PARP4: variants seen among roughly 807,000 people sequenced by gnomAD.
PARP4 encodes poly(ADP-ribose) polymerase family member 4.
PARP4 carries 120 observed loss-of-function variants against 187.7 expected under a neutral mutation model. That is an observed-to-expected ratio of 0.64 (90% confidence interval 0.55 to 0.74). The LOEUF (loss-of-function observed/expected upper bound fraction) is 0.74. Ranked by LOEUF, PARP4 falls within the 30% of genes least tolerant of loss-of-function variation. PARP4 has a pLI of 0.00. For synonymous variants in PARP4, 654 were observed against 740.9 expected (o/e 0.88, Z 1.90); for missense variants, 1,836 against 2,070.5 (o/e 0.89, Z 2.20).
chr13:24,507,756 C>T (rs566612485), intron 1 of PARP4, among the ~76,000 whole-genome samples: 26 of 152,300 alleles, frequency 1.7e-4, no homozygotes, highest in Non-Finnish European at 3.1e-4. Flanking sequence ...TATCATGGTT[C>T]AAGGCCAACA....
At chr13:24,488,447 G>A (rs952792548) in intron 10 of PARP4, among the ~76,000 whole-genome samples, 66 of 152,118 alleles carry the variant, frequency 4.3e-4, no homozygotes, top group Admixed American at 3.6e-3. Flanking sequence ...TCCACCTCCC[G>A]GGTTCAAGCG....
At chr13:24,476,663 C>G (rs1873001389) in intron 14 of PARP4, among the ~76,000 whole-genome samples, 1 of 152,220 alleles carries the variant, frequency 6.6e-6, no homozygotes, top group African/African-American at 2.4e-5. Context: ...GGAGTCACCC[C>G]TGAACACACA....
At chr13:24,477,324 A>AT (rs1873036752) in intron 14 of PARP4, among the ~76,000 whole-genome samples, 3 of 151,966 alleles carry the variant, frequency 2.0e-5, no homozygotes. Context: ...TAAAAAAAAA[A>AT]GTCACGGATG....
At chr13:24,480,705 G>T (rs1178673125) in intron 12 of PARP4, among the ~76,000 whole-genome samples, 1 of 152,226 alleles carries the variant, frequency 6.6e-6, no homozygotes, top group Non-Finnish European at 1.5e-5. Flanking sequence ...CCCCAACTCT[G>T]TTCAATTCTA....
intron 24 of PARP4, among the ~76,000 whole-genome samples, chr13:24,450,055 T>C (rs1319530458): frequency 6.7e-6 from 1 of 148,692 alleles, no homozygotes; most frequent in East Asian, 1.9e-4. Flanking sequence ...AGAAAAAAGT[T>C]GAAATTCTTG....
intron 3 of PARP4, 88 bp downstream of exon 3, chr13:24,501,545 A>G: frequency 1.2e-6 from 1 of 859,628 alleles, no homozygotes; most frequent in African/African-American, 1.7e-5. Flanking sequence ...GTATTTCTGG[A>G]CAATTCTCTG....
intron 3 of PARP4, 142 bp downstream of exon 3, chr13:24,501,491 T>C (rs373281453): frequency 2.1e-5 from 13 of 624,832 alleles, no homozygotes; most frequent in East Asian, 1.9e-4. Flanking sequence ...TCCTTTGTTA[T>C]TTTTCTGTCC....
rs1361462499 is a variant in PARP4, at chr13:24,477,204, C to T, written c.1789+497G>A. On this transcript the variant is annotated intron_variant, in intron 14 of 33. Coordinates refer to ENST00000381989, the MANE Select transcript of PARP4 (RefSeq NM_006437.4). ...AAGATAAAAAAGGAAATGAGGCTGG[C>T]CATGGTGGCTCATATCTGTAATCCC... Among the ~76,000 whole-genome samples, 5 of 152,162 alleles carry T rather than the reference C, an allele frequency of 3.3e-5. No individual in the cohort carries two copies. In the East Asian group the frequency reaches 9.6e-4, roughly 29 times the overall value.
chr13:24,481,403 A>G (rs914733368), intron 12 of PARP4, among the ~76,000 whole-genome samples: 5 of 152,236 alleles, frequency 3.3e-5, no homozygotes, highest in African/African-American at 1.2e-4. Context: ...TTTAAGAAAT[A>G]CATTTTGGGC....
intron 33 of PARP4, among the ~76,000 whole-genome samples, chr13:24,422,039 C>G (rs1367184161): frequency 6.6e-6 from 1 of 152,168 alleles, no homozygotes; most frequent in African/African-American, 2.4e-5. Flanking sequence ...TGAAAATTCT[C>G]TCCCTGTTCC....
At chr13:24,457,062 T>A (rs1378293753) in intron 20 of PARP4, among the ~76,000 whole-genome samples, 2 of 152,120 alleles carry the variant, frequency 1.3e-5, no homozygotes, top group African/African-American at 4.8e-5. Flanking sequence ...AGATTATAGA[T>A]CTACCCATTC....
At chr13:24,494,357 G>C (rs73154372) in intron 7 of PARP4, among the ~76,000 whole-genome samples, 16,659 of 152,068 alleles carry the variant, frequency 0.11, 986 homozygotes, top group African/African-American at 0.12. Flanking sequence ...CCATTCCTGG[G>C]TAATGTTTTT....
intron 16 of PARP4, among the ~76,000 whole-genome samples, chr13:24,469,386 C>A (rs1872635997): frequency 6.6e-6 from 1 of 152,158 alleles, no homozygotes; most frequent in Non-Finnish European, 1.5e-5. Context: ...TTATGTGGAA[C>A]AAAACATAAT....
chr13:24,490,825 T>A lies in PARP4; in HGVS notation c.1057A>T (p.Ile353Leu), dbSNP rs907739068. The A allele has an allele frequency of 1.2e-6, 2 of 1,612,528 alleles. No homozygotes were observed. Among genetic ancestry groups the A allele is most frequent in the African/African-American group, 2.7e-5 (2 of 74,894 alleles). The change falls in exon 10 of 34, where the codon ATA becomes TTA. Residue 353 changes from isoleucine (I) to leucine (L), a missense_variant. By Grantham distance (5) the Ile-to-Leu change is conservative (BLOSUM62 2). This residue lies in a region of PARP4 where 1,147 missense variants were observed against 1,214.2 expected (regional missense o/e 0.94). Transcript: ENST00000381989. Reference protein sequence around the residue: ...LAKKADLCQLIRDMVNVCETN... With the variant: ...LAKKADLCQLLRDMVNVCETN... ...TCACAGACATTAACCATGTCTCTTA[T>A]TAGCTGTAGGTGGAAATAATACACA...
In PARP4 at chr13:24,426,867, G is replaced by A. The variant is rs1418004518; in HGVS notation, c.4847-269C>T. 7.5e-5 allele frequency among the ~76,000 whole-genome samples: 10 copies of A among 132,634 alleles called. No individual in the cohort carries two copies. In the South Asian group the frequency reaches 2.5e-3, roughly 33 times the overall value. The allele number at this position is 132,634 out of a possible 152,430, so 87.0% of individuals were successfully genotyped here. A position where few individuals can be genotyped will look rare whatever the true frequency, so the allele number is the denominator to read the frequency against. On this transcript the variant is annotated intron_variant, in intron 32 of 33. Transcript: ENST00000381989. ...AGATCACTCCACTGCACTCCAGCCT[G>A]GGCGACAGAGTGAGACTCTGTCTCA...
intron 1 of PARP4, among the ~76,000 whole-genome samples, chr13:24,505,814 C>T (rs1313659863): frequency 2.6e-5 from 4 of 152,220 alleles, no homozygotes; most frequent in East Asian, 3.9e-4. Context: ...TGCCATTTGG[C>T]GACAGCAGTT....
At chr13:24,502,794 G>T (rs1465048058) in intron 2 of PARP4, among the ~76,000 whole-genome samples, 1 of 152,244 alleles carries the variant, frequency 6.6e-6, no homozygotes, top group Non-Finnish European at 1.5e-5. Context: ...AGTGTGGGAA[G>T]CTGTATAAGG....
chr13:24,425,543 A>ATGTGTGTGTG (rs34792097), intron 33 of PARP4, among the ~76,000 whole-genome samples: 1 of 144,926 alleles, frequency 6.9e-6, no homozygotes, highest in African/African-American at 2.6e-5. Flanking sequence ...GCATGTGTGC[A>ATGTGTGTGTG]TGTGTGTGTG....
chr13:24,496,530 C>G (rs1372080344), intron 6 of PARP4, among the ~76,000 whole-genome samples: 7 of 152,144 alleles, frequency 4.6e-5, no homozygotes, highest in Non-Finnish European at 1.5e-5. Context: ...CATCTGGAAC[C>G]CGAGACAATG....
Sources: allele counts gnomAD v4.1 joint callset (sites outside exome capture counted in the v4.1 genomes callset), GRCh38; gene constraint gnomAD v4.1.1; regional missense constraint gnomAD v4.1.1; transcripts MANE v1.5; gene names NCBI Gene and HGNC (gene_info 2026-07-23, HGNC 2026-07-21).